The following LMNA variants were observed in gnomAD, a reference collection of about 807,000 sequenced individuals.
LMNA encodes lamin.
A neutral mutation model predicts 70.4 loss-of-function variants in LMNA; 20 were observed. That is an observed-to-expected ratio of 0.28 (90% CI 0.20 to 0.41). LMNA has a LOEUF of 0.41. Among genes scored for constraint, LMNA ranks in the 10% least tolerant of loss-of-function variants. The pLI is 1.00. For missense variants in LMNA, 652 were observed against 917.2 expected (o/e 0.71, Z 3.73); for synonymous variants, 339 against 372.8 (o/e 0.91, Z 1.04).
intron 3 of LMNA, among the ~76,000 whole-genome samples, chr1:156,097,744 A>G (rs1244717525): frequency 6.6e-6 from 1 of 152,224 alleles, no homozygotes; most frequent in East Asian, 1.9e-4. Flanking sequence ...GCCCTGCCCT[A>G]TGCGAGCCCA....
At chr1:156,125,757 G>A (rs571638285) in intron 1 of LMNA, among the ~76,000 whole-genome samples, 1 of 149,636 alleles carries the variant, frequency 6.7e-6, no homozygotes, top group Non-Finnish European at 1.5e-5. Context: ...GGGAGGTGGA[G>A]GCGGGTGGAT....
rs376718896 is a variant in LMNA, at chr1:156,133,870, A to T, written c.514-533A>T. On this transcript the variant is annotated intron_variant, in intron 2 of 11. Coordinates refer to ENST00000368300, the MANE Select transcript of LMNA (RefSeq NM_170707.4). ...CCCGCTAGCCTGTCCCTTGGGTCTT[A>T]GCCTCTTGGAGGCCTTCCCAGAGCC... 3.9e-5 allele frequency among the ~76,000 whole-genome samples: 6 copies of T among 152,270 alleles called. No individual in the cohort carries two copies. In the East Asian group the frequency reaches 5.8e-4, roughly 15 times the overall value.
chr1:156,100,207 G>A (rs1020667244), intron 3 of LMNA, among the ~76,000 whole-genome samples: 2 of 152,194 alleles, frequency 1.3e-5, no homozygotes, highest in African/African-American at 2.4e-5. Flanking sequence ...TAATGACCTT[G>A]CCATGCTCAC....
At chr1:156,117,731 C>T (rs970889479) in intron 1 of LMNA, among the ~76,000 whole-genome samples, 10 of 152,136 alleles carry the variant, frequency 6.6e-5, no homozygotes, top group Non-Finnish European at 1.5e-4. Flanking sequence ...GGGGTTTTGC[C>T]ATGTTGCCCA....
rs1466205936 is a variant in LMNA, at chr1:156,136,266, T to A, written c.1210T>A (p.Ser404Thr). The change falls in exon 7 of 12, where the codon TCT (serine) becomes ACT (threonine). Residue 404 changes from serine (S) to threonine (T), a missense_variant. By Grantham distance (58) the Ser-to-Thr change is moderately conservative. Transcript: ENST00000368300. The surrounding 1 kb of genome is among the most constrained non-coding windows in gnomAD (Gnocchi z 6.1). ...TSQRSRGRASSHSSQTQGGGS... is the reference protein window; with the variant it reads ...TSQRSRGRASTHSSQTQGGGS... ...GCAGCGCAGCCGTGGCCGTGCTTCC[T>A]CTCACTCATCCCAGACACAGGGTGG... 6.2e-7 allele frequency: 1 copy of A among 1,611,852 alleles called. No homozygotes were observed. The highest frequency in any genetic ancestry group is 8.5e-7 in the Non-Finnish European group (1 of 1,180,016).
chr1:156,135,946 G>A lies in LMNA; in HGVS notation c.982G>A (p.Ala328Thr). The A allele has an allele frequency of 6.2e-7, 1 of 1,613,952 alleles. No individual in the cohort carries two copies. The highest frequency in any genetic ancestry group is 8.5e-7 in the Non-Finnish European group (1 of 1,179,994). The change falls in exon 6 of 12, where the codon GCC (alanine) becomes ACC (threonine). Residue 328 changes from alanine to threonine, a missense_variant. By Grantham distance (58) the Ala-to-Thr change is moderately conservative. Transcript: ENST00000368300. This position sits in a 1 kb window ranked among gnomAD's most constrained non-coding sequence, Gnocchi z 4.8. Reference sequence around the variant, plus strand: ...GCTTCGAGACCTGGAGGACTCACTGGCCCGTGAGCGGGACACCAGCCGGCG... The same window carrying A: ...GCTTCGAGACCTGGAGGACTCACTGACCCGTGAGCGGGACACCAGCCGGCG... ...AKLRDLEDSLARERDTSRRLL... is the reference protein window; with the variant it reads ...AKLRDLEDSLTRERDTSRRLL...
In LMNA at chr1:156,137,641, A is replaced by T; in HGVS notation, c.1609-13A>T. 1 of 1,551,116 alleles carries T rather than the reference A, an allele frequency of 6.4e-7. No individual in the cohort carries two copies. Among genetic ancestry groups the T allele is most frequent in the Non-Finnish European group, 8.7e-7 (1 of 1,146,370 alleles). ...GGCCCTGACCCTTGGACCTGGTTCC[A>T]TGTCCCCACCAGGAAGTGGCCATGC... On this transcript the variant is annotated splice_polypyrimidine_tract_variant and intron_variant, in intron 9 of 11. Coordinates refer to ENST00000368300, the MANE Select transcript of LMNA (RefSeq NM_170707.4). The surrounding 1 kb of genome is among the most constrained non-coding windows in gnomAD (Gnocchi z 4.6).
At position 156,108,764 on chromosome 1, in the gene LMNA, CA is replaced by C. The variant is rs796126277; in HGVS notation, c.-206-5936del. On this transcript the variant is annotated intron_variant, in intron 3 of 12. Coordinates refer to the LMNA transcript ENST00000368301. ...CCAGGCAACGGGCGAAACTCCATCT[CA>C]AAAAAAAAAAAATCCAGTTCTGTTA... 1.1e-3 allele frequency among the ~76,000 whole-genome samples: 149 copies of C among 141,668 alleles called. 1 individual carries two copies. Among genetic ancestry groups the C allele is most frequent in the South Asian group, 7.4e-3 (33 of 4,464 alleles). 92.9% of individuals were successfully genotyped at this position (141,668 alleles called of 152,430 possible). A position where few individuals can be genotyped will look rare whatever the true frequency, so the allele number is the denominator to read the frequency against.
At chr1:156,099,899 A>G (rs1408260267) in intron 3 of LMNA, among the ~76,000 whole-genome samples, 1 of 150,106 alleles carries the variant, frequency 6.7e-6, no homozygotes, top group Non-Finnish European at 1.5e-5. Flanking sequence ...AAAAATGCCC[A>G]TGTGTCACCC....
chr1:156,118,210 C>T (rs773478654), intron 1 of LMNA, among the ~76,000 whole-genome samples: 3 of 152,072 alleles, frequency 2.0e-5, no homozygotes, highest in East Asian at 1.9e-4. Context: ...CCAGAGAATT[C>T]GTTGCATTCT....
At position 156,136,369 on chromosome 1, in the gene LMNA, G is replaced by A; in HGVS notation, c.1313G>A (p.Gly438Glu). 3.1e-6 allele frequency: 5 copies of A among 1,612,014 alleles called. No homozygotes were observed. Among genetic ancestry groups the A allele is most frequent in the Non-Finnish European group, 4.2e-6 (5 of 1,179,946 alleles). ...SSFSQHARTS[G>E]RVAVEEVDEE... Reference sequence around the variant, plus strand: ...TTCTCACAGCACGCACGCACTAGCGGGCGCGTGGCCGTGGAGGAGGTGGAT... The same window carrying A: ...TTCTCACAGCACGCACGCACTAGCGAGCGCGTGGCCGTGGAGGAGGTGGAT... The change falls in exon 7 of 12, where the codon GGG becomes GAG. Residue 438 changes from glycine to glutamate, a missense_variant. Around this residue, in one of 4 missense-constraint regions of LMNA, gnomAD observed 327 missense variants for 387.6 expected, o/e 0.84. Transcript: ENST00000368300. This position sits in a 1 kb window ranked among gnomAD's most constrained non-coding sequence, Gnocchi z 6.1.
rs1209536521 is a variant in LMNA at position 156,103,903 on chromosome 1, A to G, written c.-206-10810A>G. On this transcript the variant is annotated intron_variant, in intron 3 of 12. Coordinates refer to the LMNA transcript ENST00000368301. The surrounding 1 kb of genome is among the most constrained non-coding windows in gnomAD (Gnocchi z 4.7). ...GCTCCCCTGCCCTTTCGAAGCCTCT[A>G]GTGGAGTCACTCCTTTCCTTCCCCG... is the stretch of plus-strand genomic sequence containing the variant. 6.6e-6 allele frequency among the ~76,000 whole-genome samples: 1 copy of G among 151,952 alleles called. No homozygotes were observed. Among genetic ancestry groups the G allele is most frequent in the African/African-American group, 2.4e-5 (1 of 41,342 alleles).
intron 2 of LMNA, among the ~76,000 whole-genome samples, chr1:156,087,866 T>C (rs958310194): frequency 4.0e-5 from 6 of 151,606 alleles, no homozygotes; most frequent in Non-Finnish European, 5.9e-5. Flanking sequence ...CTTTCCTTTT[T>C]TTTCTTTCTT....
exon 2 of LMNA, chr1:156,083,017 G>C (rs1023060907): frequency 2.6e-5 from 4 of 152,396 alleles, no homozygotes; most frequent in South Asian, 2.1e-4. Flanking sequence ...GCAGCGATGG[G>C]GGGAGAGCTG....
intron 1 of LMNA, among the ~76,000 whole-genome samples, chr1:156,116,665 A>G (rs1236750274): frequency 6.6e-6 from 1 of 152,158 alleles, no homozygotes; most frequent in Non-Finnish European, 1.5e-5. Flanking sequence ...CCCAGGTTCA[A>G]GTGATTCTCC....
In LMNA at chr1:156,135,296, G is replaced by C. The variant is rs759249597; in HGVS notation, c.920G>C (p.Ser307Thr). Reference protein sequence around the residue: ...IRIDSLSAQLSQLQKQLAAKE... With the variant: ...IRIDSLSAQLTQLQKQLAAKE... ...ATCGACAGCCTCTCTGCCCAGCTCA[G>C]CCAGCTCCAGAAGCAGGTGATACCC... The change falls in exon 5 of 12, where the codon AGC (serine) becomes ACC (threonine). Residue 307 changes from serine (S) to threonine (T), a missense_variant. By Grantham distance (58) the Ser-to-Thr change is moderately conservative (BLOSUM62 1). Coordinates refer to ENST00000368300, the MANE Select transcript of LMNA (RefSeq NM_170707.4). The surrounding 1 kb of genome is among the most constrained non-coding windows in gnomAD (Gnocchi z 4.8). 1 of 1,586,848 alleles carries C rather than the reference G, an allele frequency of 6.3e-7. No homozygotes were observed. Among genetic ancestry groups the C allele is most frequent in the Non-Finnish European group, 8.6e-7 (1 of 1,163,940 alleles).
chr1:156,121,989 C>T (rs905671532), intron 1 of LMNA, among the ~76,000 whole-genome samples: 6 of 152,082 alleles, frequency 3.9e-5, no homozygotes, highest in Non-Finnish European at 8.8e-5. Context: ...AACCCTGTCT[C>T]TACTAAAAAT....
At position 156,135,647 on chromosome 1, in the gene LMNA, A is replaced by G. The variant is rs1651504692; in HGVS notation, c.937-254A>G. 1 of 594,594 alleles carries G rather than the reference A, an allele frequency of 1.7e-6. No individual in the cohort carries two copies. The highest frequency in any genetic ancestry group is 3.0e-6 in the Non-Finnish European group (1 of 335,092). 36.8% of individuals were successfully genotyped at this position (594,594 alleles called of 1,614,324 possible). On this transcript the variant is annotated intron_variant, in intron 5 of 11. Coordinates refer to ENST00000368300, the MANE Select transcript of LMNA (RefSeq NM_170707.4). The surrounding 1 kb of genome is among the most constrained non-coding windows in gnomAD (Gnocchi z 4.8). ...CAGTATTTTTCTAGTTGGCTGTGCT[A>G]TTTGTGACAGGAGAAAAAGTCTAGC... is the stretch of plus-strand genomic sequence containing the variant.
At chr1:156,109,921 C>CA (rs1349472213), upstream of LMNA, among the ~76,000 whole-genome samples, 2 of 151,642 alleles carry the variant, frequency 1.3e-5, no homozygotes, top group African/African-American at 4.9e-5. Flanking sequence ...AATCACAGCT[C>CA]ACTGCAGCCT....
Sources: gnomAD v4.1 joint callset for allele counts (sites outside exome capture counted in the v4.1 genomes callset) on GRCh38, gnomAD v4.1.1 for gene constraint, gnomAD v4.1.1 regional missense constraint, Gnocchi (gnomAD v3.1) non-coding constraint, MANE v1.5 for transcripts, NCBI Gene and HGNC (gene_info 2026-07-23, HGNC 2026-07-21) for gene names.